RIF1: variants seen among roughly 807,000 people sequenced by gnomAD.
RIF1 encodes the protein replication timing regulatory factor 1, also known as telomere-associated protein RIF1.
In RIF1, 45 loss-of-function variants were observed where a neutral mutation model predicts 247.1. The ratio of observed to expected loss-of-function variants is 0.18; its 90% CI spans 0.14 to 0.23. The LOEUF (loss-of-function observed/expected upper bound fraction) is 0.23, where lower values mean the gene tolerates loss of function less well. Among genes scored for constraint, RIF1 ranks in the 10% least tolerant of loss-of-function variants. RIF1 has a pLI of 1.00. For missense variants in RIF1, 2,967 were observed against 2,862.5 expected (o/e 1.04, Z -0.83); for synonymous variants, 1,087 against 978.8 (o/e 1.11, Z -2.06).
chr2:151,457,464 G>A (rs935221751), intron 23 of RIF1, among the ~76,000 whole-genome samples: 7 of 152,168 alleles, frequency 4.6e-5, no homozygotes, highest in Admixed American at 2.0e-4. Flanking sequence ...ATATGATGGC[G>A]ATTGGACCCA....
At position 151,477,255 on chromosome 2, in the gene RIF1, T is replaced by C. The variant is rs990957347; in HGVS notation, c.*2184T>C. The C allele has an allele frequency of 6.6e-6, 1 of 152,208 alleles. No individual in the cohort carries two copies. The highest frequency in any genetic ancestry group is 6.5e-5 in the Admixed American group (1 of 15,278). The allele number at this position is 152,208 out of a possible 1,614,324, so 9.4% of individuals were successfully genotyped here. On this transcript the variant is annotated 3_prime_UTR_variant, in exon 36 of 36. Transcript: ENST00000444746. ...AAAACATTAATATTCCATGATTAGC[T>C]CTACTGTGTTGTCTCACTATTAAAA...
chr2:151,491,845 A>G, intron 9 of RIF1: 1 of 1,259,336 alleles, frequency 7.9e-7, no homozygotes, highest in Non-Finnish European at 1.1e-6. Context: ...CCAAGGCATG[A>G]ATTTTAACAA....
rs372813378 is a variant in RIF1, at chr2:151,489,757, G to GT, written c.*416-5462dup. On this transcript the variant is annotated intron_variant and NMD_transcript_variant, in intron 9 of 13. Coordinates refer to the RIF1 transcript ENST00000454583. Reference sequence around the variant, plus strand: ...AACTGATGCTTTGCTCTAGGTTTGGGTTTTTTTTTTAAGTTATTGAATAAT... The same window carrying GT: ...AACTGATGCTTTGCTCTAGGTTTGGGTTTTTTTTTTTAAGTTATTGAATAAT... Among the ~76,000 whole-genome samples the GT allele has an allele frequency of 2.7e-3, 397 of 148,056 alleles. 9 individuals are homozygous for GT. In the East Asian group the frequency reaches 0.045, roughly 17 times the overall value.
At chr2:151,457,590 C>A (rs1695423688) in intron 23 of RIF1, among the ~76,000 whole-genome samples, 171 bp from the exon 24 acceptor site, 1 of 151,448 alleles carries the variant, frequency 6.6e-6, no homozygotes, top group South Asian at 2.1e-4. Context: ...ATATTAATAA[C>A]CAAAGCAAAT....
At chr2:151,525,248 T>C in the RIF1 span, 271 of 1,613,466 alleles carry the variant, frequency 1.7e-4, no homozygotes, top group Non-Finnish European at 2.2e-4. Context: ...TCCTTTCTCC[T>C]TGACAAACTT....
the RIF1 span, among the ~76,000 whole-genome samples, chr2:151,532,678 A>G: frequency 1.3e-5 from 2 of 151,968 alleles, no homozygotes; most frequent in African/African-American, 4.8e-5. Flanking sequence ...TAACCTCCTC[A>G]TTTCACATAT....
At chr2:151,503,229 C>A in intron 12 of RIF1, 2 of 744,362 alleles carry the variant, frequency 2.7e-6, no homozygotes, top group South Asian at 1.7e-5. Flanking sequence ...GGTAATAATA[C>A]ACAACACACA....
intron 8 of RIF1, 24 bp from the exon 9 acceptor site, chr2:151,428,760 T>G (rs1424085699): frequency 6.4e-7 from 1 of 1,563,478 alleles, no homozygotes; most frequent in Non-Finnish European, 8.8e-7. Flanking sequence ...AAATAACTTC[T>G]TAATGATTTT....
At chr2:151,484,567 G>A (rs568327765), downstream of RIF1, among the ~76,000 whole-genome samples, 3 of 152,342 alleles carry the variant, frequency 2.0e-5, no homozygotes, top group South Asian at 6.2e-4. Flanking sequence ...CTGCACTCCA[G>A]CCTGGGCAAC....
At chr2:151,492,085 C>T (rs1253111505) in intron 9 of RIF1, 6 of 1,613,292 alleles carry the variant, frequency 3.7e-6, no homozygotes. Context: ...TCCCCCAACC[C>T]AGGCTCAGTT....
chr2:151,507,073 G>T, intron 13 of RIF1: 2 of 1,060,646 alleles, frequency 1.9e-6, no homozygotes, highest in Non-Finnish European at 2.9e-6. Flanking sequence ...TTCTTTATTT[G>T]TCCTATATTA....
At chr2:151,473,539 C>G (rs1230385754) in intron 34 of RIF1, among the ~76,000 whole-genome samples, 5 of 152,020 alleles carry the variant, frequency 3.3e-5, no homozygotes. Context: ...CTTGGCCTCC[C>G]AAAGTGCTGG....
chr2:151,476,847 A>G lies in RIF1; in HGVS notation c.*1776A>G, dbSNP rs2048951967. On this transcript the variant is annotated 3_prime_UTR_variant, in exon 36 of 36. Transcript: ENST00000444746. ...CAGGTATGAATAAGCAGCTATGTAT[A>G]TGTGTTTGGGGCAGAGGGGAGCAGA... is the stretch of plus-strand genomic sequence containing the variant. 1 of 152,200 alleles carries G rather than the reference A, an allele frequency of 6.6e-6. No individual in the cohort carries two copies. Among genetic ancestry groups the G allele is most frequent in the Non-Finnish European group, 1.5e-5 (1 of 68,032 alleles). The allele number at this position is 152,200 out of a possible 1,614,324, so 9.4% of individuals were successfully genotyped here. A position where few individuals can be genotyped will look rare whatever the true frequency, so the allele number is the denominator to read the frequency against.
the RIF1 span, chr2:151,513,748 T>C: frequency 5.8e-5 from 68 of 1,182,536 alleles, no homozygotes; most frequent in African/African-American, 2.9e-4. Context: ...TACTAGGTAA[T>C]AAACATACAG....
chr2:151,448,037 TTC>T (rs1693624279), intron 20 of RIF1, among the ~76,000 whole-genome samples: 1 of 151,908 alleles, frequency 6.6e-6, no homozygotes, highest in African/African-American at 2.4e-5. Flanking sequence ...AAAATAACAG[TTC>T]TTTTTTTTTT....
intron 21 of RIF1, among the ~76,000 whole-genome samples, chr2:151,454,414 T>G (rs2444264): frequency 0.4 from 60,592 of 151,898 alleles, 12,239 homozygotes; most frequent in African/African-American, 0.44. Flanking sequence ...TTTGTATCTC[T>G]GACTTGTTCA....
rs756909610 is a variant in RIF1, at chr2:151,463,896, A to G, written c.4376A>G (p.Lys1459Arg). 22 of 1,613,636 alleles carry G rather than the reference A, an allele frequency of 1.4e-5. No homozygotes were observed. The highest frequency in any genetic ancestry group is 1.9e-5 in the Non-Finnish European group (22 of 1,179,912). Residue 1459 changes from lysine to arginine, a missense_variant, in exon 30 of 36, where the codon AAA becomes AGA. Coordinates refer to ENST00000444746, the MANE Select transcript of RIF1 (RefSeq NM_018151.5). ...CTTCAGAAGAGTCCATTGCATATAA[A>G]AGATGATGTGTTACCTAAACAAAAA... is the stretch of plus-strand genomic sequence containing the variant. Reference protein sequence around the residue: ...KPLQKSPLHIKDDVLPKQKLI... With the variant: ...KPLQKSPLHIRDDVLPKQKLI...
chr2:151,450,191 G>A (rs1694050262), intron 20 of RIF1, among the ~76,000 whole-genome samples: 2 of 151,798 alleles, frequency 1.3e-5, no homozygotes, highest in African/African-American at 2.4e-5. Context: ...ACTTGGAAGG[G>A]TGCTTTGTAA....
At position 151,416,905 on chromosome 2, in the gene RIF1, T is replaced by A; in HGVS notation, c.503+4T>A. On this transcript the variant is annotated splice_donor_region_variant and intron_variant, in intron 6 of 35. Transcript: ENST00000444746. ...AAGCATTAAATGTTATCGTAAGGTA[T>A]GCATTTGGATGTTGTGCAAATTGAA... The A allele has an allele frequency of 6.3e-7, 1 of 1,589,394 alleles. No individual in the cohort carries two copies.
Sources: gnomAD v4.1 joint callset for allele counts (sites outside exome capture counted in the v4.1 genomes callset) on GRCh38, gnomAD v4.1.1 for gene constraint, MANE v1.5 for transcripts, NCBI Gene and HGNC (gene_info 2026-07-23, HGNC 2026-07-21) for gene names.